Variants in GRM5 observed in about 807,000 individuals in gnomAD.
GRM5 encodes metabotropic glutamate receptor 5.
GRM5 carries 19 observed loss-of-function variants against 83.1 expected under a neutral mutation model. That is an observed-to-expected ratio of 0.23 (90% CI 0.16 to 0.34). The LOEUF (loss-of-function observed/expected upper bound fraction) is 0.34. Ranked by LOEUF, GRM5 falls within the 10% of genes least tolerant of loss-of-function variation. The probability of loss-of-function intolerance (pLI) is 1.00; values close to 1 mark genes in which losing one functional copy is unlikely to be tolerated. For synonymous variants in GRM5, 675 were observed against 633.6 expected (o/e 1.07, Z -0.98); for missense variants, 1,160 against 1,588.3 (o/e 0.73, Z 4.58).
intron 1 of GRM5, among the ~76,000 whole-genome samples, chr11:89,050,409 A>G (rs1390485065): frequency 6.6e-6 from 1 of 152,220 alleles, no homozygotes; most frequent in Non-Finnish European, 1.5e-5. Context: ...AGCAAAATAT[A>G]CAAGCTCCCT....
intron 1 of GRM5, among the ~76,000 whole-genome samples, chr11:89,050,325 A>G (rs1426138212): frequency 6.6e-6 from 1 of 152,208 alleles, no homozygotes; most frequent in East Asian, 1.9e-4. Flanking sequence ...CCATCTATTC[A>G]TTAACTCACT....
intron 3 of GRM5, among the ~76,000 whole-genome samples, chr11:88,678,509 C>G (rs1046108052): frequency 6.6e-6 from 1 of 152,126 alleles, no homozygotes. Context: ...TTAGCTCATA[C>G]TTTCTCCTCC....
intron 2 of GRM5, among the ~76,000 whole-genome samples, chr11:88,999,286 T>A (rs1225181970): frequency 6.6e-6 from 1 of 152,088 alleles, no homozygotes; most frequent in African/African-American, 2.4e-5. Flanking sequence ...GAAACTACCA[T>A]CAGAGTGAAC....
intron 3 of GRM5, among the ~76,000 whole-genome samples, chr11:88,699,194 T>C (rs535838567): frequency 6.6e-6 from 1 of 152,312 alleles, no homozygotes; most frequent in South Asian, 2.1e-4. Context: ...TATATTCACA[T>C]TCTTTACATG....
chr11:89,024,715 T>C (rs1941086849), intron 2 of GRM5, among the ~76,000 whole-genome samples: 1 of 152,214 alleles, frequency 6.6e-6, no homozygotes, highest in Non-Finnish European at 1.5e-5. Flanking sequence ...TATTTTCAAT[T>C]CTTATGTGTA....
In GRM5 at chr11:88,563,121, G is replaced by T. The variant is rs147134018; in HGVS notation, c.2630+3932C>A. 3.3e-4 allele frequency among the ~76,000 whole-genome samples: 50 copies of T among 152,272 alleles called. 1 individual carries two copies. Among genetic ancestry groups the T allele is most frequent in the East Asian group, 2.5e-3 (13 of 5,182 alleles). ...GCAGACACAATTCTAAAAGGTTGAG[G>T]TAGCATTTATTGAATACTTTCTACG... On this transcript the variant is annotated intron_variant, in intron 8 of 9. Coordinates refer to ENST00000305447, the MANE Select transcript of GRM5 (RefSeq NM_001143831.3).
At chr11:88,681,564 C>T (rs1591436792) in intron 3 of GRM5, among the ~76,000 whole-genome samples, 3 of 19,344 alleles carry the variant, frequency 1.6e-4, no homozygotes, top group Non-Finnish European at 2.8e-4. Context: ...TTGAGTTCTT[C>T]CTTTTTTTTT....
intron 3 of GRM5, among the ~76,000 whole-genome samples, chr11:88,792,415 CAT>C (rs1943191801): frequency 6.6e-6 from 1 of 152,090 alleles, no homozygotes; most frequent in African/African-American, 2.4e-5. Flanking sequence ...AAAAGCTAAA[CAT>C]ATGTGGTAAT....
chr11:88,560,207 G>A (rs943708769), intron 8 of GRM5, among the ~76,000 whole-genome samples: 2 of 152,126 alleles, frequency 1.3e-5, no homozygotes, highest in African/African-American at 2.4e-5. Flanking sequence ...CCTACTGGGC[G>A]GAGAAGCCCT....
rs757320945 is a variant in GRM5, at chr11:88,604,840, T to A, written c.1272A>T (p.Gly424=). The A allele has an allele frequency of 6.2e-7, 1 of 1,613,978 alleles. No homozygotes were observed. Among genetic ancestry groups the A allele is most frequent in the African/African-American group, 1.3e-5 (1 of 74,996 alleles). The stretch of plus-strand genomic sequence containing the variant: ...CAATTGGCTTCATGGCATCACAGAG[T>A]CCTGCATAGCCTGGGCAGAGGGACA... ...MQMSLCPGYA[G]LCDAMKPIDG... Residue 424 remains glycine (G), a synonymous_variant, in exon 5 of 10, where the codon GGA becomes GGT. Coordinates refer to ENST00000305447, the MANE Select transcript of GRM5 (RefSeq NM_001143831.3).
chr11:88,716,821 T>C (rs1330706237), intron 3 of GRM5, among the ~76,000 whole-genome samples: 2 of 151,976 alleles, frequency 1.3e-5, no homozygotes, highest in Non-Finnish European at 2.9e-5. Context: ...ACCATTCTCT[T>C]TTAACTGTCA....
At chr11:89,023,692 T>TA (rs921368572) in intron 2 of GRM5, among the ~76,000 whole-genome samples, 22 of 149,106 alleles carry the variant, frequency 1.5e-4, no homozygotes, top group East Asian at 7.9e-4. Context: ...AAAAATAAAT[T>TA]AAAAAAAAAT....
intron 2 of GRM5, among the ~76,000 whole-genome samples, chr11:89,046,313 C>T (rs574585055): frequency 6.6e-6 from 1 of 151,850 alleles, no homozygotes; most frequent in East Asian, 1.9e-4. Context: ...TACAATAATT[C>T]GATGATTTAT....
intron 2 of GRM5, among the ~76,000 whole-genome samples, chr11:88,994,460 T>TAA (rs966987347): frequency 7.4e-6 from 1 of 135,374 alleles, no homozygotes; most frequent in African/African-American, 2.8e-5. Flanking sequence ...TATATATATA[T>TAA]ATATATATAT....
chr11:88,666,685 G>C (rs1158703555), intron 3 of GRM5, among the ~76,000 whole-genome samples: 1 of 152,164 alleles, frequency 6.6e-6, no homozygotes, highest in East Asian at 1.9e-4. Flanking sequence ...TAGTTGTAAA[G>C]ACAAACTGGA....
chr11:88,596,363 C>T lies in GRM5; in HGVS notation c.1563+821G>A, dbSNP rs146254998. Among the ~76,000 whole-genome samples the T allele has an allele frequency of 3.8e-4, 58 of 152,256 alleles. 1 individual carries two copies. The South Asian group carries it at 0.012, about 31-fold the overall frequency. On this transcript the variant is annotated intron_variant, in intron 6 of 9. Transcript: ENST00000305447. ...TAAATTTGTTTATTCATCTTCCTTACCACAGCTCAACTTATGCCAGCATCT... is the reference window on the plus strand; with the variant it reads ...TAAATTTGTTTATTCATCTTCCTTATCACAGCTCAACTTATGCCAGCATCT...
intron 6 of GRM5, among the ~76,000 whole-genome samples, chr11:88,594,839 G>A (rs1937755338): frequency 6.6e-6 from 1 of 152,140 alleles, no homozygotes; most frequent in Non-Finnish European, 1.5e-5. Flanking sequence ...AATGGCTCTA[G>A]GAATACACTG....
At chr11:88,974,769 TTA>T (rs1222173560) in intron 2 of GRM5, among the ~76,000 whole-genome samples, 1 of 152,192 alleles carries the variant, frequency 6.6e-6, no homozygotes, top group African/African-American at 2.4e-5. Flanking sequence ...CAAAAATCTC[TTA>T]TCTCTCATCT....
At chr11:88,903,495 C>T (rs957760699) in intron 2 of GRM5, among the ~76,000 whole-genome samples, 2 of 152,108 alleles carry the variant, frequency 1.3e-5, no homozygotes, top group African/African-American at 4.8e-5. Context: ...TGGAATCAAC[C>T]TAAGTGTCTA....
Sources: allele counts gnomAD v4.1 joint callset (sites outside exome capture counted in the v4.1 genomes callset), GRCh38; gene constraint gnomAD v4.1.1; transcripts MANE v1.5; gene names NCBI Gene and HGNC (gene_info 2026-07-23, HGNC 2026-07-21).